The following TSPOAP1 variants were observed in gnomAD, a reference collection of about 807,000 sequenced individuals.
TSPOAP1 encodes TSPO associated protein 1.
A neutral mutation model predicts 197.0 loss-of-function variants in TSPOAP1; 87 were observed. The observed-to-expected ratio is 0.44, with a 90% confidence interval of 0.37 to 0.53. TSPOAP1 has a LOEUF of 0.53. TSPOAP1 is among the 20% of genes least tolerant of loss of function. The pLI is 0.00. For synonymous variants in TSPOAP1, 913 were observed against 998.9 expected, an observed-to-expected ratio of 0.91 and a Z score of 1.62; for missense variants, 2,174 against 2,411.3, an observed-to-expected ratio of 0.90 and a Z score of 2.06.
In TSPOAP1 at chr17:58,307,761, G is replaced by C. The variant is rs772864256; in HGVS notation, c.4833C>G (p.Val1611=). The C allele has an allele frequency of 1.2e-6, 2 of 1,614,158 alleles. No individual in the cohort carries two copies. The highest frequency in any genetic ancestry group is 1.7e-6 in the Non-Finnish European group (2 of 1,180,040). ...RVLRPSTAEL[V]PARSPSETLA... The stretch of plus-strand genomic sequence containing the variant: ...GTGTTTCTGAGGGGCTCCTCGCAGG[G>C]ACTGTGGAGACAGTGGAGAGGGCGG... The change falls in exon 24 of 32, where the codon GTC becomes GTG. Residue 1611 remains valine (V), a splice_region_variant and synonymous_variant. Coordinates refer to ENST00000343736, the MANE Select transcript of TSPOAP1 (RefSeq NM_004758.4).
chr17:58,327,501 C>A, intron 1 of TSPOAP1, 87 bp downstream of exon 1: 2 of 1,381,948 alleles, frequency 1.4e-6, no homozygotes, highest in South Asian at 2.6e-5. Context: ...ATTGGGGATG[C>A]ATACCTCGCC....
chr17:58,322,900 G>T lies in TSPOAP1; in HGVS notation c.1194+50C>A, dbSNP rs771686792. The T allele has an allele frequency of 5.6e-6, 9 of 1,603,208 alleles. No homozygotes were observed. Among genetic ancestry groups the T allele is most frequent in the Non-Finnish European group, 7.7e-6 (9 of 1,174,218 alleles). On this transcript the variant is annotated intron_variant, in intron 8 of 31. Coordinates refer to ENST00000343736, the MANE Select transcript of TSPOAP1 (RefSeq NM_004758.4). The surrounding 1 kb of genome is among the most constrained non-coding windows in gnomAD (Gnocchi z 5.0). Reference sequence around the variant, plus strand: ...GAGAAAGCCCCTTGGCTGGGGACCGGGGCAGTGGTGGGAGCACAGGTCTCC... The same window carrying T: ...GAGAAAGCCCCTTGGCTGGGGACCGTGGCAGTGGTGGGAGCACAGGTCTCC...
At position 58,309,387 on chromosome 17, in the gene TSPOAP1, G is replaced by C; in HGVS notation, c.3892-7C>G. On this transcript the variant is annotated splice_region_variant and splice_polypyrimidine_tract_variant and intron_variant, in intron 21 of 31. Transcript: ENST00000343736. The surrounding 1 kb of genome is among the most constrained non-coding windows in gnomAD (Gnocchi z 5.0). ...AAAAGGGGTCGGGCTGGGACTGGTG[G>C]AGGTGGGGAGGTGGGAGTAGAACAC... 6.3e-7 allele frequency: 1 copy of C among 1,600,000 alleles called. No individual in the cohort carries two copies. The highest frequency in any genetic ancestry group is 8.5e-7 in the Non-Finnish European group (1 of 1,174,818).
chr17:58,319,020 T>C (rs1348178168), intron 13 of TSPOAP1, 70 bp downstream of exon 13: 21 of 1,415,144 alleles, frequency 1.5e-5, no homozygotes, highest in Non-Finnish European at 1.9e-5. Flanking sequence ...TCTCTGATCC[T>C]GAACTCCCTG....
At chr17:58,311,451 C>G (rs1167740760) in intron 18 of TSPOAP1, 120 bp downstream of exon 18, 2 of 1,418,048 alleles carry the variant, frequency 1.4e-6, no homozygotes, top group East Asian at 4.7e-5. Context: ...ACCCATCTGC[C>G]TCATGGTACC....
rs1347148270 is a variant in TSPOAP1 at position 58,323,181 on chromosome 17, A to T, written c.1104+117T>A. ...CCAGCCAGGAAAGGAAAGGAGCAGG[A>T]GGGAAAATGTGTTCTTGAGGGCAGC... is the stretch of plus-strand genomic sequence containing the variant. On this transcript the variant is annotated intron_variant, in intron 7 of 31. Coordinates refer to ENST00000343736, the MANE Select transcript of TSPOAP1 (RefSeq NM_004758.4). 2.7e-6 allele frequency: 4 copies of T among 1,471,426 alleles called. No homozygotes were observed. In the African/African-American group the frequency reaches 5.6e-5, roughly 20 times the overall value. The allele number at this position is 1,471,426 out of a possible 1,614,324, so 91.1% of individuals were successfully genotyped here. A position where few individuals can be genotyped will look rare whatever the true frequency, so the allele number is the denominator to read the frequency against.
chr17:58,309,391 T>G lies in TSPOAP1; in HGVS notation c.3892-11A>C, dbSNP rs1598060312. 1 of 1,595,858 alleles carries G rather than the reference T, an allele frequency of 6.3e-7. No individual in the cohort carries two copies. Among genetic ancestry groups the G allele is most frequent in the Non-Finnish European group, 8.5e-7 (1 of 1,173,566 alleles). The stretch of plus-strand genomic sequence containing the variant: ...GGGGTCGGGCTGGGACTGGTGGAGG[T>G]GGGGAGGTGGGAGTAGAACACAGCA... On this transcript the variant is annotated splice_polypyrimidine_tract_variant and intron_variant, in intron 21 of 31. Coordinates refer to ENST00000343736, the MANE Select transcript of TSPOAP1 (RefSeq NM_004758.4). This position sits in a 1 kb window ranked among gnomAD's most constrained non-coding sequence, Gnocchi z 5.0.
At position 58,327,830 on chromosome 17, in the gene TSPOAP1, G is replaced by C. The variant is rs1387680674; in HGVS notation, c.91C>G (p.Arg31Gly). The C allele has an allele frequency of 3.1e-6, 5 of 1,613,870 alleles. No homozygotes were observed. The Admixed American group carries it at 5.0e-5, about 16-fold the overall frequency. ...GCTGCACTGCTAGGTTCACCCCCTC[G>C]ACCTGGAGTCCAGCTATGCCAGGTG... Reference protein sequence around the residue: ...LPTWHSWTPGRGGEPSSAAPS... With the variant: ...LPTWHSWTPGGGGEPSSAAPS... The change falls in exon 1 of 32, where the codon CGA (arginine) becomes GGA (glycine). Residue 31 changes from arginine to glycine, a missense_variant. By Grantham distance (125) the Arg-to-Gly change is moderately radical (BLOSUM62 -2). Around this residue, in one of 5 missense-constraint regions of TSPOAP1, gnomAD observed 1,933 missense variants for 2,139.0 expected, o/e 0.90. Transcript: ENST00000343736.
At chr17:58,320,823 T>C (rs768412183) in intron 10 of TSPOAP1, among the ~76,000 whole-genome samples, 7 of 152,118 alleles carry the variant, frequency 4.6e-5, no homozygotes, top group Non-Finnish European at 1.0e-4. Context: ...AGGAGAAGCG[T>C]GGCTGAGTCA....
rs781380115 is a variant in TSPOAP1 at position 58,309,374 on chromosome 17, G to C, written c.3898C>G (p.Pro1300Ala). The C allele has an allele frequency of 1.2e-6, 2 of 1,607,678 alleles. No individual in the cohort carries two copies. Among genetic ancestry groups the C allele is most frequent in the Non-Finnish European group, 1.7e-6 (2 of 1,177,714 alleles). ...CTGTCAGTCTCACAAAAGGGGTCGG[G>C]CTGGGACTGGTGGAGGTGGGGAGGT... is the stretch of plus-strand genomic sequence containing the variant. ...SIRENGAKSQ[P>A]DPFCETDSDE... The change falls in exon 22 of 32, where the codon CCC becomes GCC. Residue 1300 changes from proline to alanine, a missense_variant. This residue lies in a region of TSPOAP1 where 1,933 missense variants were observed against 2,139.0 expected (regional missense o/e 0.90). Coordinates refer to ENST00000343736, the MANE Select transcript of TSPOAP1 (RefSeq NM_004758.4). This position sits in a 1 kb window ranked among gnomAD's most constrained non-coding sequence, Gnocchi z 5.0.
intron 16 of TSPOAP1, among the ~76,000 whole-genome samples, chr17:58,314,307 T>A (rs1178783382): frequency 1.3e-5 from 2 of 152,224 alleles, no homozygotes; most frequent in African/African-American, 4.8e-5. Flanking sequence ...CCCAAAAACA[T>A]GTCCATGTTC....
chr17:58,327,806 C>A lies in TSPOAP1; in HGVS notation c.115G>T (p.Ala39Ser). 6.2e-7 allele frequency: 1 copy of A among 1,614,130 alleles called. No individual in the cohort carries two copies. The highest frequency in any genetic ancestry group is 8.5e-7 in the Non-Finnish European group (1 of 1,180,032). ...GGAGGAGTATCAGCGATGCTTGGGG[C>A]TGCACTGCTAGGTTCACCCCCTCGA... ...PGRGGEPSSA[A>S]PSIADTPPAA... is the part of the protein sequence containing the mutation. The change falls in exon 1 of 32, where the codon GCC becomes TCC. Residue 39 changes from alanine to serine, a missense_variant. Ala to Ser is a moderately conservative substitution (Grantham distance 99). Around this residue, in one of 5 missense-constraint regions of TSPOAP1, gnomAD observed 1,933 missense variants for 2,139.0 expected, o/e 0.90. Transcript: ENST00000343736.
intron 15 of TSPOAP1, 64 bp downstream of exon 15, chr17:58,316,361 C>T (rs1007856749): frequency 3.2e-5 from 46 of 1,439,752 alleles, no homozygotes; most frequent in Middle Eastern, 1.8e-4. Context: ...CAGCTCCACC[C>T]GGCCCCCTCC....
At position 58,311,169 on chromosome 17, in the gene TSPOAP1, C is replaced by T. The variant is rs1390730783; in HGVS notation, c.3126G>A (p.Glu1042=). The part of the protein sequence containing the change: ...ASPTAGSVLV[E]LSQLQLLQVC... ...CCTGCAGCAGCTGCAGCTGGGACAA[C>T]TCCACCAGTACACTGCCTGCCGTGG... The change falls in exon 19 of 32, where the codon GAG becomes GAA. Residue 1042 remains glutamate, a synonymous_variant. Coordinates refer to ENST00000343736, the MANE Select transcript of TSPOAP1 (RefSeq NM_004758.4). The T allele has an allele frequency of 6.2e-7, 1 of 1,611,684 alleles. No homozygotes were observed. Among genetic ancestry groups the T allele is most frequent in the Non-Finnish European group, 8.5e-7 (1 of 1,179,610 alleles).
At chr17:58,323,690 T>A in intron 5 of TSPOAP1, 145 bp from the exon 6 acceptor site, 1 of 770,430 alleles carries the variant, frequency 1.3e-6, no homozygotes, top group Non-Finnish European at 2.1e-6. Context: ...AGAGGGGTAC[T>A]GTCTGCCCAC....
At position 58,326,588 on chromosome 17, in the gene TSPOAP1, C is replaced by A; in HGVS notation, c.441+95G>T. On this transcript the variant is annotated intron_variant, in intron 2 of 31. Coordinates refer to ENST00000343736, the MANE Select transcript of TSPOAP1 (RefSeq NM_004758.4). This position sits in a 1 kb window ranked among gnomAD's most constrained non-coding sequence, Gnocchi z 4.7. ...TCAGGATTTTGTCACCTCCATTGAG[C>A]CCCCACTTGGAAAGATGTTCATGGG... 1 of 1,531,390 alleles carries A rather than the reference C, an allele frequency of 6.5e-7. No homozygotes were observed. Among genetic ancestry groups the A allele is most frequent in the Non-Finnish European group, 9.0e-7 (1 of 1,116,376 alleles). The allele number at this position is 1,531,390 out of a possible 1,614,324, so 94.9% of individuals were successfully genotyped here. A position where few individuals can be genotyped will look rare whatever the true frequency, so the allele number is the denominator to read the frequency against.
rs1478109576 is a variant in TSPOAP1, at chr17:58,328,504, G to A, written c.-584C>T. Reference sequence around the variant, plus strand: ...CATCGGTGTCGTTGTGTGTCTGTCAGTGTCTGTGGGTCTGGCCGTCTGTCG... The same window carrying A: ...CATCGGTGTCGTTGTGTGTCTGTCAATGTCTGTGGGTCTGGCCGTCTGTCG... On this transcript the variant is annotated 5_prime_UTR_variant, in exon 1 of 32. Coordinates refer to ENST00000343736, the MANE Select transcript of TSPOAP1 (RefSeq NM_004758.4). The surrounding 1 kb of genome is among the most constrained non-coding windows in gnomAD (Gnocchi z 4.3). The A allele has an allele frequency of 6.4e-6, 1 of 155,042 alleles. No homozygotes were observed. Among genetic ancestry groups the A allele is most frequent in the Non-Finnish European group, 1.4e-5 (1 of 69,672 alleles). 9.6% of individuals were successfully genotyped at this position (155,042 alleles called of 1,614,324 possible).
At position 58,328,466 on chromosome 17, in the gene TSPOAP1, G is replaced by A. The variant is rs73316000; in HGVS notation, c.-546C>T. Reference sequence around the variant, plus strand: ...GGTTGTATCTGAGTGTGTCAGTGTCGTGCAGCTGTGTGCATCGGTGTCGTT... The same window carrying A: ...GGTTGTATCTGAGTGTGTCAGTGTCATGCAGCTGTGTGCATCGGTGTCGTT... On this transcript the variant is annotated 5_prime_UTR_variant, in exon 1 of 32. The change creates a new upstream start codon in the 5' untranslated region. Coordinates refer to ENST00000343736, the MANE Select transcript of TSPOAP1 (RefSeq NM_004758.4). This position sits in a 1 kb window ranked among gnomAD's most constrained non-coding sequence, Gnocchi z 4.3. 0.016 allele frequency: 2,499 copies of A among 160,266 alleles called. 57 individuals carry two copies. Among genetic ancestry groups the A allele is most frequent in the African/African-American group, 0.055 (2,275 of 41,586 alleles). The allele number at this position is 160,266 out of a possible 1,614,324, so 9.9% of individuals were successfully genotyped here. A position where few individuals can be genotyped will look rare whatever the true frequency, so the allele number is the denominator to read the frequency against.
intron 24 of TSPOAP1, 73 bp from the exon 25 acceptor site, chr17:58,307,041 A>G: frequency 1.4e-6 from 2 of 1,477,980 alleles, no homozygotes; most frequent in African/African-American, 1.4e-5. Context: ...CCCCAGCAAC[A>G]CCCCACTTGG....
Sources: allele counts gnomAD v4.1 joint callset (sites outside exome capture counted in the v4.1 genomes callset), GRCh38; gene constraint gnomAD v4.1.1; regional missense constraint gnomAD v4.1.1; non-coding constraint Gnocchi (gnomAD v3.1); transcripts MANE v1.5; gene names NCBI Gene and HGNC (gene_info 2026-07-23, HGNC 2026-07-21).